NIPBL: variants seen among roughly 807,000 people sequenced by gnomAD.
NIPBL encodes NIPBL cohesin loading factor.
In NIPBL, 19 loss-of-function variants were observed where a neutral mutation model predicts 321.8. The observed-to-expected ratio is 0.06, with a 90% confidence interval of 0.04 to 0.09. NIPBL has a LOEUF of 0.09. Among genes scored for constraint, NIPBL ranks in the 10% least tolerant of loss-of-function variants. The probability of loss-of-function intolerance (pLI) is 1.00; values close to 1 mark genes in which losing one functional copy is unlikely to be tolerated. For synonymous variants in NIPBL, 1,106 were observed against 1,114.1 expected (o/e 0.99, Z 0.14); for missense variants, 2,210 against 3,327.0 (o/e 0.66, Z 8.26).
intron 38 of NIPBL, among the ~76,000 whole-genome samples, chr5:37,046,895 T>G (rs1226922247): frequency 6.6e-6 from 1 of 152,202 alleles, no homozygotes; most frequent in Non-Finnish European, 1.5e-5. Flanking sequence ...TGTTGTTGTT[T>G]TTTTTGGTAC....
intron 16 of NIPBL, among the ~76,000 whole-genome samples, 192 bp from the exon 17 acceptor site, chr5:37,006,165 C>CG: frequency 6.6e-6 from 1 of 152,096 alleles, no homozygotes; most frequent in East Asian, 1.9e-4. Context: ...GAGTATATCA[C>CG]GTTTGAAAAC....
chr5:36,969,833 C>A (rs578072621), intron 6 of NIPBL, among the ~76,000 whole-genome samples: 3 of 152,280 alleles, frequency 2.0e-5, no homozygotes, highest in African/African-American at 7.2e-5. Context: ...TGGGAACTCT[C>A]ATACGCTACC....
In NIPBL at chr5:36,972,035, C is replaced by A. The variant is rs546188623; in HGVS notation, c.862C>A (p.Pro288Thr). The change falls in exon 8 of 47, where the codon CCT (proline) becomes ACT (threonine). Residue 288 changes from proline (P) to threonine (T), a missense_variant. Physicochemically the swap from Pro to Thr is conservative, Grantham distance 38 (BLOSUM62 -1). This residue lies in a region of NIPBL where 464 missense variants were observed against 529.5 expected (regional missense o/e 0.88). Coordinates refer to ENST00000282516, the MANE Select transcript of NIPBL (RefSeq NM_133433.4). ...CTCCCCTGCTGGAAGTGAAGGAACT[C>A]CTAAAGGTACTACTGTAACTAAAAT... ...VCSPAGSEGT[P>T]KGSRPPLILQ... The A allele has an allele frequency of 1.3e-4, 209 of 1,605,392 alleles. 2 individuals are homozygous for A. In the South Asian group the frequency reaches 2.2e-3, roughly 17 times the overall value.
chr5:36,900,192 A>G (rs1161735190), intron 1 of NIPBL, among the ~76,000 whole-genome samples: 1 of 152,206 alleles, frequency 6.6e-6, no homozygotes, highest in Non-Finnish European at 1.5e-5. Context: ...GATTGGAAAT[A>G]TTCAGGAAAA....
intron 1 of NIPBL, among the ~76,000 whole-genome samples, chr5:36,900,817 C>T (rs887027359): frequency 6.6e-6 from 1 of 152,068 alleles, no homozygotes; most frequent in Non-Finnish European, 1.5e-5. Flanking sequence ...CTTGGAATAC[C>T]GCTTGGCAGG....
intron 20 of NIPBL, among the ~76,000 whole-genome samples, chr5:37,009,434 T>C (rs1444193844): frequency 1.3e-5 from 2 of 152,204 alleles, no homozygotes; most frequent in African/African-American, 4.8e-5. Flanking sequence ...TGACGTGGCA[T>C]ATAGGATTGT....
At chr5:37,054,195 C>CAAAA (rs1200216062) in intron 42 of NIPBL, among the ~76,000 whole-genome samples, 1 of 57,574 alleles carries the variant, frequency 1.7e-5, no homozygotes, top group African/African-American at 6.3e-5. Context: ...GACTCCGTCT[C>CAAAA]AAAAAAAAAA....
intron 38 of NIPBL, 103 bp downstream of exon 38, chr5:37,046,302 T>G (rs148246508): frequency 2.7e-6 from 2 of 734,746 alleles, no homozygotes; most frequent in African/African-American, 3.5e-5. Flanking sequence ...TATGTTTCTA[T>G]TAGCAGTAGG....
At chr5:36,917,542 C>T (rs1360603791) in intron 1 of NIPBL, among the ~76,000 whole-genome samples, 1 of 152,078 alleles carries the variant, frequency 6.6e-6, no homozygotes, top group African/African-American at 2.4e-5. Context: ...TGGCATTACT[C>T]ATCATTTACA....
chr5:37,007,109 A>T (rs1036396387), intron 17 of NIPBL, among the ~76,000 whole-genome samples: 1 of 151,948 alleles, frequency 6.6e-6, no homozygotes, highest in Admixed American at 6.5e-5. Flanking sequence ...AGATACAGGG[A>T]TTTAATAGCT....
At chr5:36,994,569 T>C (rs879432220) in intron 10 of NIPBL, among the ~76,000 whole-genome samples, 3 of 152,152 alleles carry the variant, frequency 2.0e-5, no homozygotes, top group Admixed American at 6.5e-5. Context: ...AAGTTACTAA[T>C]ATTTCCTGCT....
chr5:36,908,136 AATACT>A (rs763413797), intron 1 of NIPBL, among the ~76,000 whole-genome samples: 153 of 152,286 alleles, frequency 1.0e-3, no homozygotes, highest in Non-Finnish European at 1.5e-3. Context: ...AGAATACAAA[AATACT>A]ATACACACTC....
In NIPBL at chr5:37,058,969, G is replaced by T. The variant is rs759115050; in HGVS notation, c.7489G>T (p.Val2497Phe). 3 of 1,614,228 alleles carry T rather than the reference G, an allele frequency of 1.9e-6. No homozygotes were observed. The East Asian group carries it at 6.7e-5, about 36-fold the overall frequency. The change falls in exon 44 of 47, where the codon GTT becomes TTT. Residue 2497 changes from valine (V) to phenylalanine (F), a missense_variant. By Grantham distance (50) the Val-to-Phe change is conservative. Transcript: ENST00000282516. ...ENESSDSEEE[V>F]SRPRKSRKRV... Reference sequence around the variant, plus strand: ...TGAGTCAAGCGACAGTGAAGAAGAAGTTTCCAGGCCTCGGAAGTCACGGAA... The same window carrying T: ...TGAGTCAAGCGACAGTGAAGAAGAATTTTCCAGGCCTCGGAAGTCACGGAA...
intron 39 of NIPBL, 66 bp downstream of exon 39, chr5:37,048,741 A>G: frequency 8.2e-7 from 1 of 1,219,140 alleles, no homozygotes; most frequent in Non-Finnish European, 1.2e-6. Flanking sequence ...ATCTTCTTTA[A>G]TCTAAATATC....
intron 35 of NIPBL, 70 bp from the exon 36 acceptor site, chr5:37,044,566 T>A (rs1423661511): frequency 3.8e-6 from 6 of 1,577,156 alleles, no homozygotes; most frequent in Non-Finnish European, 5.2e-6. Context: ...AAAGCAAATA[T>A]TTGTAAAAAG....
At chr5:37,010,330 T>A in intron 21 of NIPBL, 105 bp downstream of exon 21, 1 of 1,015,782 alleles carries the variant, frequency 9.8e-7, no homozygotes, top group East Asian at 2.8e-5. Flanking sequence ...TCTTTCTTTT[T>A]TTTGAGACGG....
intron 1 of NIPBL, among the ~76,000 whole-genome samples, chr5:36,951,738 T>C (rs1018316400): frequency 6.6e-6 from 1 of 152,154 alleles, no homozygotes; most frequent in African/African-American, 2.4e-5. Flanking sequence ...AAATATAGAA[T>C]AGCTAGTAGT....
At chr5:36,902,935 G>C (rs1469709463) in intron 1 of NIPBL, among the ~76,000 whole-genome samples, 1 of 151,936 alleles carries the variant, frequency 6.6e-6, no homozygotes, top group Non-Finnish European at 1.5e-5. Flanking sequence ...TGTAAACTCT[G>C]ATTTTTTTTT....
At chr5:37,049,768 G>A (rs1393560273) in intron 40 of NIPBL, among the ~76,000 whole-genome samples, 3 of 152,108 alleles carry the variant, frequency 2.0e-5, no homozygotes, top group African/African-American at 7.2e-5. Flanking sequence ...ATTAATATGA[G>A]GACACAACGA....
Sources: allele counts gnomAD v4.1 joint callset (sites outside exome capture counted in the v4.1 genomes callset), GRCh38; gene constraint gnomAD v4.1.1; regional missense constraint gnomAD v4.1.1; transcripts MANE v1.5; gene names NCBI Gene and HGNC (gene_info 2026-07-23, HGNC 2026-07-21).